GALNTL6: variants seen among roughly 807,000 people sequenced by gnomAD.
GALNTL6 encodes polypeptide N-acetylgalactosaminyltransferase-like 6.
Under a neutral mutation model 73.7 loss-of-function variants are expected in GALNTL6, and 46 were observed. The ratio of observed to expected loss-of-function variants is 0.62; its 90% CI spans 0.49 to 0.80. The LOEUF (loss-of-function observed/expected upper bound fraction) is 0.80. Among genes scored for constraint, GALNTL6 ranks in the 30% least tolerant of loss-of-function variants. The pLI is 0.00. For missense variants in GALNTL6, 604 were observed against 755.0 expected (o/e 0.80, Z 2.34); for synonymous variants, 259 against 263.7 (o/e 0.98, Z 0.17).
In GALNTL6 at chr4:172,253,987, C is replaced by T. The variant is rs371901564; in HGVS notation, c.247+24223C>T. 4.0e-5 allele frequency among the ~76,000 whole-genome samples: 6 copies of T among 151,740 alleles called. No individual in the cohort carries two copies. The East Asian group carries it at 9.7e-4, about 24-fold the overall frequency. ...ACTAATGGGCACTAAAATATGGTTA[C>T]ACCTGCAGATCACCTAACTGAAAAT... On this transcript the variant is annotated intron_variant, in intron 3 of 12. Transcript: ENST00000506823.
chr4:172,398,981 C>T (rs927610483), intron 5 of GALNTL6, among the ~76,000 whole-genome samples: 1 of 151,882 alleles, frequency 6.6e-6, no homozygotes, highest in Non-Finnish European at 1.5e-5. Context: ...CAAAAAAAAT[C>T]AACCTTTTAG....
chr4:172,118,274 C>T (rs879857987), intron 2 of GALNTL6, among the ~76,000 whole-genome samples: 3 of 151,276 alleles, frequency 2.0e-5, no homozygotes, highest in Non-Finnish European at 4.4e-5. Context: ...AAGTGTTTTC[C>T]CTAAAGGCTG....
chr4:172,814,308 A>C (rs948948990), intron 7 of GALNTL6, among the ~76,000 whole-genome samples: 3 of 152,226 alleles, frequency 2.0e-5, no homozygotes, highest in Non-Finnish European at 2.9e-5. Context: ...AGAAGAATGT[A>C]CAGCAATGAT....
chr4:172,554,571 C>T (rs1389897222), intron 5 of GALNTL6, among the ~76,000 whole-genome samples: 1 of 152,116 alleles, frequency 6.6e-6, no homozygotes, highest in Non-Finnish European at 1.5e-5. Flanking sequence ...TACCATGAGG[C>T]CCTACTTTCT....
At chr4:172,115,395 TA>T (rs1560929170) in intron 2 of GALNTL6, among the ~76,000 whole-genome samples, 1 of 152,130 alleles carries the variant, frequency 6.6e-6, no homozygotes, top group Non-Finnish European at 1.5e-5. Context: ...GAAGTACATA[TA>T]AAATAGCTTA....
intron 5 of GALNTL6, among the ~76,000 whole-genome samples, chr4:172,367,971 G>T (rs1742630867): frequency 6.6e-6 from 1 of 152,094 alleles, no homozygotes. Flanking sequence ...TTTTTATTCA[G>T]TATTAACTGA....
At chr4:172,845,948 T>A (rs1448298517) in intron 7 of GALNTL6, among the ~76,000 whole-genome samples, 1 of 152,234 alleles carries the variant, frequency 6.6e-6, no homozygotes, top group Non-Finnish European at 1.5e-5. Context: ...ATATAAGTTC[T>A]ATCCTAATGA....
At chr4:172,245,134 T>A (rs1209388958) in intron 3 of GALNTL6, among the ~76,000 whole-genome samples, 1 of 152,182 alleles carries the variant, frequency 6.6e-6, no homozygotes, top group Non-Finnish European at 1.5e-5. Context: ...TGATTTTATG[T>A]CTACCATTCA....
At chr4:172,625,492 A>G (rs1739132029) in intron 5 of GALNTL6, among the ~76,000 whole-genome samples, 2 of 152,018 alleles carry the variant, frequency 1.3e-5, no homozygotes, top group Admixed American at 6.6e-5. Context: ...ACAAAAGACT[A>G]CATGTGTCTT....
chr4:171,906,926 C>A (rs1213427173), intron 2 of GALNTL6, among the ~76,000 whole-genome samples: 2 of 152,120 alleles, frequency 1.3e-5, no homozygotes, highest in African/African-American at 4.8e-5. Flanking sequence ...CAGAAAAGCC[C>A]TTTGGCAAAA....
At chr4:172,722,518 C>CTCTACCTCCCTCTCTCTTTT (rs1735540233) in intron 5 of GALNTL6, among the ~76,000 whole-genome samples, 1 of 152,094 alleles carries the variant, frequency 6.6e-6, no homozygotes. Flanking sequence ...CTCTCTCTTT[C>CTCTACCTCCCTCTCTCTTTT]TCTACCTCCC....
chr4:173,014,036 CGTTT>C (rs1752671403), intron 11 of GALNTL6, among the ~76,000 whole-genome samples: 1 of 137,414 alleles, frequency 7.3e-6, no homozygotes, highest in South Asian at 2.2e-4. Context: ...TGAAATAATC[CGTTT>C]TTTTCCAAAA....
At chr4:172,609,894 A>G (rs576621266) in intron 5 of GALNTL6, among the ~76,000 whole-genome samples, 2 of 151,258 alleles carry the variant, frequency 1.3e-5, no homozygotes, top group Admixed American at 1.3e-4. Context: ...CTGTTCAGGG[A>G]TTCAATTTTT....
intron 5 of GALNTL6, among the ~76,000 whole-genome samples, chr4:172,622,882 C>G (rs1318316896): frequency 1.3e-5 from 2 of 151,972 alleles, no homozygotes; most frequent in Non-Finnish European, 2.9e-5. Context: ...TAAGGTTGAA[C>G]AGTAAAATGT....
chr4:171,832,908 G>C (rs896143836), intron 2 of GALNTL6, among the ~76,000 whole-genome samples: 1 of 151,700 alleles, frequency 6.6e-6, no homozygotes, highest in African/African-American at 2.4e-5. Flanking sequence ...CATCATTAGA[G>C]CAAAATGTTT....
intron 2 of GALNTL6, among the ~76,000 whole-genome samples, chr4:171,869,063 A>C (rs1184938661): frequency 6.6e-6 from 1 of 152,192 alleles, no homozygotes; most frequent in Non-Finnish European, 1.5e-5. Context: ...GGGAAGATAT[A>C]ACAGGGTAGT....
intron 3 of GALNTL6, among the ~76,000 whole-genome samples, chr4:172,302,721 G>C (rs1022707937): frequency 6.6e-6 from 1 of 152,046 alleles, no homozygotes; most frequent in Non-Finnish European, 1.5e-5. Context: ...ATTCACCAGA[G>C]TGTTCACCTG....
chr4:172,214,420 G>A (rs1736427963), intron 2 of GALNTL6, among the ~76,000 whole-genome samples: 1 of 151,118 alleles, frequency 6.6e-6, no homozygotes, highest in Non-Finnish European at 1.5e-5. Flanking sequence ...TTTCATCAAC[G>A]CTTTTTCAAA....
At chr4:172,870,503 T>C (rs1459498814) in intron 7 of GALNTL6, among the ~76,000 whole-genome samples, 2 of 152,350 alleles carry the variant, frequency 1.3e-5, no homozygotes, top group African/African-American at 4.8e-5. Context: ...AACACAAGAC[T>C]ATTTCAGGTA....
Sources: gnomAD v4.1 joint callset for allele counts (sites outside exome capture counted in the v4.1 genomes callset) on GRCh38, gnomAD v4.1.1 for gene constraint, MANE v1.5 for transcripts, NCBI Gene and HGNC (gene_info 2026-07-23, HGNC 2026-07-21) for gene names.